The following CSMD3 variants were observed in gnomAD, a reference collection of about 807,000 sequenced individuals.
CSMD3 encodes CUB and Sushi multiple domains 3.
Under a neutral mutation model 435.2 loss-of-function variants are expected in CSMD3, and 177 were observed. The observed-to-expected ratio is 0.41, with a 90% CI of 0.36 to 0.46. CSMD3 has a LOEUF of 0.46. Among genes scored for constraint, CSMD3 ranks in the 20% least tolerant of loss-of-function variants. CSMD3 has a pLI of 0.34. For synonymous variants in CSMD3, 1,656 were observed against 1,520.5 expected, an observed-to-expected ratio of 1.09 and a Z score of -2.07; for missense variants, 4,265 against 4,504.6, an observed-to-expected ratio of 0.95 and a Z score of 1.52.
At chr8:112,921,593 A>C (rs2082745748) in intron 10 of CSMD3, 34 bp downstream of exon 10, 3 of 1,567,952 alleles carry the variant, frequency 1.9e-6, no homozygotes, top group Non-Finnish European at 2.6e-6. Flanking sequence ...AAACTATTAA[A>C]ATGTGTTCAG....
intron 22 of CSMD3, among the ~76,000 whole-genome samples, chr8:112,612,974 T>C (rs1170342396): frequency 6.6e-6 from 1 of 151,864 alleles, no homozygotes. Context: ...GAGATTCTTT[T>C]TTGCCCAGAC....
chr8:113,303,172 GA>G (rs1284055561), intron 2 of CSMD3, among the ~76,000 whole-genome samples: 3 of 146,846 alleles, frequency 2.0e-5, no homozygotes, highest in Non-Finnish European at 4.5e-5. Flanking sequence ...TTGCTTCAAA[GA>G]GAATAAAATA....
intron 46 of CSMD3, among the ~76,000 whole-genome samples, chr8:112,319,600 A>G (rs1433661303): frequency 6.6e-6 from 1 of 152,204 alleles, no homozygotes; most frequent in East Asian, 1.9e-4. Context: ...GGTTAGAACT[A>G]TAGTGTCAGA....
intron 27 of CSMD3, among the ~76,000 whole-genome samples, chr8:112,522,397 T>C (rs372447770): frequency 6.2e-4 from 94 of 152,056 alleles, no homozygotes; most frequent in African/African-American, 2.1e-3. Context: ...GTTTTTACAA[T>C]GCCATCAATC....
chr8:112,593,583 C>A lies in CSMD3; in HGVS notation c.3716-6348G>T, dbSNP rs549420663. ...TACCCATGAGATTGATCTTTTAAAGCCACAGACAAAAAGGTTTATCCAGAG... is the reference window on the plus strand; with the variant it reads ...TACCCATGAGATTGATCTTTTAAAGACACAGACAAAAAGGTTTATCCAGAG... On this transcript the variant is annotated intron_variant, in intron 22 of 70. Coordinates refer to ENST00000297405, the MANE Select transcript of CSMD3 (RefSeq NM_198123.2). Among the ~76,000 whole-genome samples, 5 of 152,106 alleles carry A rather than the reference C, an allele frequency of 3.3e-5. No individual in the cohort carries two copies. In the South Asian group the frequency reaches 1.0e-3, roughly 32 times the overall value.
chr8:113,330,853 T>C (rs2094022276), intron 1 of CSMD3, among the ~76,000 whole-genome samples: 1 of 151,878 alleles, frequency 6.6e-6, no homozygotes, highest in Non-Finnish European at 1.5e-5. Context: ...TTCTCTGCTT[T>C]CAGTAATGGA....
chr8:112,347,933 T>G (rs1825813721), intron 40 of CSMD3, among the ~76,000 whole-genome samples: 1 of 152,236 alleles, frequency 6.6e-6, no homozygotes, highest in Non-Finnish European at 1.5e-5. Flanking sequence ...TTTGAGCTGC[T>G]GATTGTCCTT....
chr8:112,650,263 T>A lies in CSMD3; in HGVS notation c.3091A>T (p.Thr1031Ser), dbSNP rs2075090958. ...RYGHDFSIGS[T>S]VSFSCDSGYR... ...CCTGAATCACAACTAAATGAAACAG[T>A]AGAGCCAATGGAGAAATCATGACCA... The change falls in exon 19 of 71, where the codon ACT (threonine) becomes TCT (serine). Residue 1031 changes from threonine (T) to serine (S), a missense_variant. Physicochemically the swap from Thr to Ser is moderately conservative, Grantham distance 58 (BLOSUM62 1). Coordinates refer to ENST00000297405, the MANE Select transcript of CSMD3 (RefSeq NM_198123.2). The A allele has an allele frequency of 6.2e-7, 1 of 1,613,694 alleles. No individual in the cohort carries two copies. The highest frequency in any genetic ancestry group is 8.5e-7 in the Non-Finnish European group (1 of 1,179,756).
chr8:112,435,145 A>T (rs755500001), intron 32 of CSMD3, among the ~76,000 whole-genome samples: 2 of 152,128 alleles, frequency 1.3e-5, no homozygotes, highest in Non-Finnish European at 2.9e-5. Flanking sequence ...TGAAATAAGC[A>T]TAGATGTGAT....
intron 1 of CSMD3, among the ~76,000 whole-genome samples, chr8:113,384,021 C>G (rs755444814): frequency 1.3e-5 from 2 of 152,124 alleles, no homozygotes; most frequent in Non-Finnish European, 2.9e-5. Flanking sequence ...AGAAAACAAC[C>G]TGGAATACAC....
At chr8:113,116,610 T>C (rs1275610780) in intron 4 of CSMD3, among the ~76,000 whole-genome samples, 1 of 152,104 alleles carries the variant, frequency 6.6e-6, no homozygotes, top group Non-Finnish European at 1.5e-5. Context: ...ACTGGGTAAA[T>C]GGCAGATGCT....
At chr8:112,350,556 C>T (rs567658121) in intron 40 of CSMD3, among the ~76,000 whole-genome samples, 1 of 151,716 alleles carries the variant, frequency 6.6e-6, no homozygotes, top group Admixed American at 6.6e-5. Flanking sequence ...GGGATCATAC[C>T]TCACATTACT....
At chr8:113,207,857 A>G (rs2132061163) in intron 3 of CSMD3, among the ~76,000 whole-genome samples, 1 of 152,256 alleles carries the variant, frequency 6.6e-6, no homozygotes, top group East Asian at 1.9e-4. Context: ...TAATATAACG[A>G]TTTTTAAATC....
intron 58 of CSMD3, among the ~76,000 whole-genome samples, chr8:112,283,333 CTT>C (rs1465969352): frequency 2.0e-5 from 3 of 151,530 alleles, no homozygotes; most frequent in Admixed American, 2.0e-4. Context: ...AGAGAGAACT[CTT>C]ATTTTAAAAA....
At chr8:113,326,191 C>T (rs1020152617) in intron 1 of CSMD3, among the ~76,000 whole-genome samples, 2 of 152,068 alleles carry the variant, frequency 1.3e-5, no homozygotes, top group Non-Finnish European at 2.9e-5. Context: ...TCTTAGACTC[C>T]ACATTTTACG....
At chr8:112,625,455 C>A (rs1834401629) in intron 22 of CSMD3, among the ~76,000 whole-genome samples, 1 of 151,968 alleles carries the variant, frequency 6.6e-6, no homozygotes, top group African/African-American at 2.4e-5. Context: ...AATTGAGATT[C>A]AAGTTTTATA....
chr8:112,802,574 T>C (rs574620264), intron 12 of CSMD3, among the ~76,000 whole-genome samples: 1 of 152,226 alleles, frequency 6.6e-6, no homozygotes, highest in African/African-American at 2.4e-5. Context: ...GGTTTAATCC[T>C]ATTCAACAGA....
At chr8:112,369,200 T>G (rs1479096567) in intron 38 of CSMD3, among the ~76,000 whole-genome samples, 2 of 152,110 alleles carry the variant, frequency 1.3e-5, no homozygotes, top group African/African-American at 4.8e-5. Flanking sequence ...TAGTTTTCTT[T>G]GCTTTTATTA....
At chr8:112,665,410 T>C (rs1430315366) in intron 17 of CSMD3, among the ~76,000 whole-genome samples, 1 of 152,142 alleles carries the variant, frequency 6.6e-6, no homozygotes, top group African/African-American at 2.4e-5. Flanking sequence ...TGGAATCTGT[T>C]CTCTCCCATG....
Sources: gnomAD v4.1 joint callset for allele counts (sites outside exome capture counted in the v4.1 genomes callset) on GRCh38, gnomAD v4.1.1 for gene constraint, MANE v1.5 for transcripts, NCBI Gene and HGNC (gene_info 2026-07-23, HGNC 2026-07-21) for gene names.